Variants in LGR6 observed in about 807,000 individuals in gnomAD.
LGR6 encodes the protein leucine-rich repeat-containing G protein-coupled receptor 6.
A neutral mutation model predicts 69.4 loss-of-function variants in LGR6; 45 were observed. The observed-to-expected ratio is 0.65, with a 90% CI of 0.51 to 0.83. LGR6 has a LOEUF of 0.83. Ranked by LOEUF, LGR6 falls within the 40% of genes least tolerant of loss-of-function variation. LGR6 has a pLI of 0.00. For missense variants in LGR6, 1,108 were observed against 1,246.7 expected (o/e 0.89, Z 1.68); for synonymous variants, 538 against 555.0 (o/e 0.97, Z 0.43).
At chr1:202,213,670 T>TTC (rs558661866) in intron 1 of LGR6, among the ~76,000 whole-genome samples, 50 of 152,300 alleles carry the variant, frequency 3.3e-4, no homozygotes, top group African/African-American at 1.1e-3. Context: ...TCCACTGACA[T>TTC]TCATGCTACA....
intron 1 of LGR6, chr1:202,194,457 G>A: frequency 1.6e-6 from 1 of 615,776 alleles, no homozygotes; most frequent in Non-Finnish European, 3.0e-6. Context: ...CTGACTATGG[G>A]AGCCCAGGCT....
chr1:202,249,370 C>T (rs1663034692), intron 4 of LGR6, among the ~76,000 whole-genome samples: 1 of 152,200 alleles, frequency 6.6e-6, no homozygotes, highest in Non-Finnish European at 1.5e-5. Context: ...TCCTCTTCCC[C>T]TGCCCATCCT....
intron 1 of LGR6, among the ~76,000 whole-genome samples, chr1:202,207,074 T>A (rs12747752): frequency 6.7e-4 from 102 of 152,232 alleles, no homozygotes; most frequent in Non-Finnish European, 1.1e-3. Flanking sequence ...CCTGCCACCA[T>A]GCCCAGCTAA....
At chr1:202,273,923 G>C (rs557303348) in intron 4 of LGR6, among the ~76,000 whole-genome samples, 2 of 152,058 alleles carry the variant, frequency 1.3e-5, no homozygotes, top group East Asian at 3.9e-4. Context: ...GACTTCTTCC[G>C]TGTGGTCCTA....
intron 14 of LGR6, among the ~76,000 whole-genome samples, chr1:202,307,667 C>T (rs1051032534): frequency 3.9e-5 from 6 of 152,272 alleles, no homozygotes; most frequent in South Asian, 2.1e-4. Context: ...CCCCCTGCCT[C>T]GGTCCCATCC....
rs138011278 is a variant in LGR6 at position 202,266,293 on chromosome 1, A to C, written c.429-10013A>C. On this transcript the variant is annotated intron_variant, in intron 4 of 17. Transcript: ENST00000367278. ...GGGACACAGGGACATAGCACAGAAG[A>C]ATTTGTCCAAAGAATGTATAGGCTC... Among the ~76,000 whole-genome samples, 52 of 152,172 alleles carry C rather than the reference A, an allele frequency of 3.4e-4. 2 individuals carry two copies. The East Asian group carries it at 0.01, about 29-fold the overall frequency.
At chr1:202,227,682 C>A (rs905802866) in intron 2 of LGR6, among the ~76,000 whole-genome samples, 3 of 152,170 alleles carry the variant, frequency 2.0e-5, no homozygotes, top group African/African-American at 7.2e-5. Flanking sequence ...GGTTCTGTGA[C>A]CCCTAGGGGA....
At chr1:202,274,665 A>G (rs553750195) in intron 4 of LGR6, among the ~76,000 whole-genome samples, 1 of 152,284 alleles carries the variant, frequency 6.6e-6, no homozygotes, top group Admixed American at 6.5e-5. Context: ...TGCATTTCTA[A>G]CAAGCTTCCA....
At position 202,310,293 on chromosome 1, in the gene LGR6, C is replaced by T; in HGVS notation, c.1503C>T (p.His501=). The T allele has an allele frequency of 3.7e-6, 6 of 1,614,090 alleles. No homozygotes were observed. The South Asian group carries it at 6.6e-5, about 18-fold the overall frequency. ...GGCAGTGGGAGGCTGAAGACCTTCA[C>T]CTTGATGATGAGGAGTCTTCAAAAA... is the stretch of plus-strand genomic sequence containing the variant. ...ASGQWEAEDL[H]LDDEESSKRP... Residue 501 remains histidine, a synonymous_variant, in exon 16 of 18, where the codon CAC becomes CAT. Coordinates refer to ENST00000367278, the MANE Select transcript of LGR6 (RefSeq NM_001017403.2).
chr1:202,286,525 G>A (rs12121103), intron 6 of LGR6, among the ~76,000 whole-genome samples: 11,032 of 152,192 alleles, frequency 0.072, 513 homozygotes, highest in Middle Eastern at 0.12. Flanking sequence ...ACTTGCCCAA[G>A]GACACCCAGC....
intron 1 of LGR6, among the ~76,000 whole-genome samples, chr1:202,198,699 G>A (rs145838993): frequency 0.011 from 1,513 of 139,668 alleles, 36 homozygotes; most frequent in African/African-American, 0.04. Flanking sequence ...TTTTTTTTAA[G>A]AGTACAGTCT....
chr1:202,264,712 G>C (rs1401194690), intron 4 of LGR6, among the ~76,000 whole-genome samples: 1 of 152,208 alleles, frequency 6.6e-6, no homozygotes, highest in Non-Finnish European at 1.5e-5. Flanking sequence ...GCTACACACA[G>C]AGGCACTTCC....
chr1:202,225,222 C>T (rs549337846), intron 1 of LGR6: 8 of 531,224 alleles, frequency 1.5e-5, no homozygotes, highest in East Asian at 6.7e-5. Flanking sequence ...CCAAATGACC[C>T]GGGAGGCCTG....
In LGR6 at chr1:202,319,461, G is replaced by T; in HGVS notation, c.*254G>T. ...TCTTCCTTGTCATGTCTGAAGCTGT[G>T]GACCAGAGACCTGGACTTTTGTCTG... On this transcript the variant is annotated 3_prime_UTR_variant, in exon 18 of 18. Coordinates refer to ENST00000367278, the MANE Select transcript of LGR6 (RefSeq NM_001017403.2). The T allele has an allele frequency of 2.2e-6, 1 of 458,268 alleles. No homozygotes were observed. The highest frequency in any genetic ancestry group is 3.8e-6 in the Non-Finnish European group (1 of 261,786). 28.4% of individuals were successfully genotyped at this position (458,268 alleles called of 1,614,324 possible).
At chr1:202,231,383 C>T (rs755100562) in intron 3 of LGR6, among the ~76,000 whole-genome samples, 1 of 152,140 alleles carries the variant, frequency 6.6e-6, no homozygotes, top group Non-Finnish European at 1.5e-5. Context: ...CAACCTGGCT[C>T]GGGGGAGAAG....
intron 1 of LGR6, among the ~76,000 whole-genome samples, chr1:202,211,475 A>G (rs1302148464): frequency 6.6e-6 from 1 of 151,942 alleles, no homozygotes; most frequent in Middle Eastern, 3.2e-3. Context: ...AATTCTCCTG[A>G]CTCAGCCTCC....
intron 1 of LGR6, among the ~76,000 whole-genome samples, chr1:202,197,834 G>A (rs1278704858): frequency 6.6e-6 from 1 of 152,214 alleles, no homozygotes; most frequent in African/African-American, 2.4e-5. Context: ...TTGTTGCTGA[G>A]CAGAAAGATC....
At position 202,319,278 on chromosome 1, in the gene LGR6, T is replaced by C; in HGVS notation, c.*71T>C. 6.9e-7 allele frequency: 1 copy of C among 1,445,382 alleles called. No homozygotes were observed. The highest frequency in any genetic ancestry group is 9.2e-7 in the Non-Finnish European group (1 of 1,088,466). 89.5% of individuals were successfully genotyped at this position (1,445,382 alleles called of 1,614,324 possible). A position where few individuals can be genotyped will look rare whatever the true frequency, so the allele number is the denominator to read the frequency against. ...TCCCCCTCGGTGAATGATGGCTGCT[T>C]CTAAAACAAATACAACCAAAACTCA... On this transcript the variant is annotated 3_prime_UTR_variant, in exon 18 of 18. Transcript: ENST00000367278.
chr1:202,200,512 G>T (rs1252134813), intron 1 of LGR6, among the ~76,000 whole-genome samples: 1 of 152,222 alleles, frequency 6.6e-6, no homozygotes. Flanking sequence ...CAAGGAGCCT[G>T]CTGGGGCTTC....
Sources: allele counts gnomAD v4.1 joint callset (sites outside exome capture counted in the v4.1 genomes callset), GRCh38; gene constraint gnomAD v4.1.1; transcripts MANE v1.5; gene names NCBI Gene and HGNC (gene_info 2026-07-23, HGNC 2026-07-21).